NRG1: variants seen among roughly 807,000 people sequenced by gnomAD.
NRG1 encodes the protein pro-neuregulin-1, membrane-bound isoform.
A neutral mutation model predicts 63.8 loss-of-function variants in NRG1; 18 were observed. The observed-to-expected ratio is 0.28, with a 90% confidence interval of 0.19 to 0.42. The LOEUF (loss-of-function observed/expected upper bound fraction) is 0.42, where lower values mean the gene tolerates loss of function less well. Ranked by LOEUF, NRG1 falls within the 10% of genes least tolerant of loss-of-function variation. The pLI, the probability that NRG1 is intolerant of heterozygous loss-of-function variation, is 1.00. For missense variants in NRG1, 762 were observed against 814.7 expected (o/e 0.94, Z 0.79); for synonymous variants, 302 against 301.3 (o/e 1.00, Z -0.02).
At chr8:31,931,107 G>A (rs987596432) in intron 1 of NRG1, among the ~76,000 whole-genome samples, 2 of 152,092 alleles carry the variant, frequency 1.3e-5, no homozygotes, top group African/African-American at 4.8e-5. Context: ...CCTGGAGAAT[G>A]GTGAAAAACA....
intron 1 of NRG1, among the ~76,000 whole-genome samples, chr8:32,233,582 T>TTC: frequency 1.4e-5 from 2 of 144,408 alleles, no homozygotes; most frequent in South Asian, 2.2e-4. Context: ...TTTTTTTCTT[T>TTC]TGAAACGGTG....
chr8:32,119,150 T>G (rs1019824069), intron 1 of NRG1, among the ~76,000 whole-genome samples: 1 of 152,090 alleles, frequency 6.6e-6, no homozygotes, highest in African/African-American at 2.4e-5. Context: ...GTTCTATTAT[T>G]TAATAGGTAG....
intron 1 of NRG1, among the ~76,000 whole-genome samples, chr8:32,346,157 A>G (rs1804866392): frequency 6.8e-6 from 1 of 147,078 alleles, no homozygotes; most frequent in Non-Finnish European, 1.5e-5. Flanking sequence ...AATTATATAT[A>G]TAATTATATA....
At chr8:31,758,553 A>G (rs1360111684) in intron 1 of NRG1, among the ~76,000 whole-genome samples, 2 of 152,156 alleles carry the variant, frequency 1.3e-5, no homozygotes, top group Non-Finnish European at 2.9e-5. Flanking sequence ...GGATGAGTTC[A>G]TGTCCTTTTC....
chr8:32,711,342 T>C (rs1243881985), intron 5 of NRG1, among the ~76,000 whole-genome samples: 1 of 152,062 alleles, frequency 6.6e-6, no homozygotes, highest in Non-Finnish European at 1.5e-5. Flanking sequence ...TGAATGTCAG[T>C]TTATCTTGTC....
chr8:31,898,939 T>C (rs1356214977), intron 1 of NRG1, among the ~76,000 whole-genome samples: 4 of 152,182 alleles, frequency 2.6e-5, no homozygotes, highest in African/African-American at 9.7e-5. Flanking sequence ...CTTCACTCTC[T>C]GCAGATCATT....
intron 1 of NRG1, among the ~76,000 whole-genome samples, chr8:32,199,375 G>T (rs1362642178): frequency 6.6e-6 from 1 of 152,166 alleles, no homozygotes; most frequent in African/African-American, 2.4e-5. Context: ...GGGCTGCAAA[G>T]GTGTAGCCCT....
chr8:31,834,278 T>A (rs1825453551), intron 1 of NRG1, among the ~76,000 whole-genome samples: 1 of 107,672 alleles, frequency 9.3e-6, no homozygotes, highest in African/African-American at 3.2e-5. Flanking sequence ...AAAAAGTAGA[T>A]CTCCCTTCAT....
chr8:32,125,959 T>C (rs756187681), intron 1 of NRG1, among the ~76,000 whole-genome samples: 1 of 151,964 alleles, frequency 6.6e-6, no homozygotes, highest in Non-Finnish European at 1.5e-5. Context: ...GTTGGGAAGA[T>C]GTGATCCCTC....
In NRG1 at chr8:32,070,554, T is replaced by A. The variant is rs554318306; in HGVS notation, c.37+431123T>A. On this transcript the variant is annotated intron_variant, in intron 1 of 10. Coordinates refer to the NRG1 transcript ENST00000519301. ...CATGATTATTTATCCAGTGACTCAG[T>A]GCAGATTTTGATTTATTTTCCTTTT... Among the ~76,000 whole-genome samples, 42 of 152,314 alleles carry A rather than the reference T, an allele frequency of 2.8e-4. 1 individual carries two copies. In the South Asian group the frequency reaches 8.7e-3, roughly 32 times the overall value.
chr8:31,873,873 G>A (rs1829699000), intron 1 of NRG1, among the ~76,000 whole-genome samples: 1 of 152,122 alleles, frequency 6.6e-6, no homozygotes, highest in African/African-American at 2.4e-5. Flanking sequence ...TGTTAAAATG[G>A]TATTTCCATT....
intron 1 of NRG1, among the ~76,000 whole-genome samples, chr8:32,195,089 G>A (rs891339321): frequency 6.6e-6 from 1 of 152,054 alleles, no homozygotes. Flanking sequence ...CAGACTTGGG[G>A]AGGTTACTCC....
At chr8:32,354,797 T>C (rs935018787) in intron 1 of NRG1, among the ~76,000 whole-genome samples, 2 of 146,880 alleles carry the variant, frequency 1.4e-5, no homozygotes, top group Non-Finnish European at 1.5e-5. Context: ...AAGCTGCTTT[T>C]TTTAAAAAAA....
At chr8:32,728,181 T>A in intron 6 of NRG1, 103 bp downstream of exon 6, 7 of 1,553,052 alleles carry the variant, frequency 4.5e-6, no homozygotes, top group Non-Finnish European at 6.1e-6. Flanking sequence ...TTTTGTTGCA[T>A]CATGTTGAAT....
At chr8:31,796,582 G>A (rs973926545) in intron 1 of NRG1, among the ~76,000 whole-genome samples, 1 of 151,648 alleles carries the variant, frequency 6.6e-6, no homozygotes, top group African/African-American at 2.4e-5. Flanking sequence ...ACAGGCTCCC[G>A]CCACCACACC....
At position 32,596,440 on chromosome 8, in the gene NRG1, C is replaced by T. The variant is rs540822821; in HGVS notation, c.278+435C>T. On this transcript the variant is annotated intron_variant, in intron 2 of 11. Transcript: ENST00000356819. The stretch of plus-strand genomic sequence containing the variant: ...CCAACATGGTGAAACCCTGTCTCTA[C>T]TAAAAACACAAAAAGTAGCTGGGAG... Among the ~76,000 whole-genome samples, 6 of 151,962 alleles carry T rather than the reference C, an allele frequency of 3.9e-5. No homozygotes were observed. In the South Asian group the frequency reaches 1.3e-3, roughly 32 times the overall value.
intron 1 of NRG1, among the ~76,000 whole-genome samples, chr8:31,953,936 A>G (rs1200177586): frequency 6.6e-6 from 1 of 152,206 alleles, no homozygotes; most frequent in Non-Finnish European, 1.5e-5. Flanking sequence ...GGGGCAGGCT[A>G]CTAAACCTTT....
At chr8:32,010,163 A>G (rs1814515391) in intron 1 of NRG1, among the ~76,000 whole-genome samples, 1 of 152,020 alleles carries the variant, frequency 6.6e-6, no homozygotes, top group African/African-American at 2.4e-5. Flanking sequence ...TCATACCCCA[A>G]ATTAGGTGGG....
chr8:32,438,472 A>C (rs762016738), intron 1 of NRG1, among the ~76,000 whole-genome samples: 1 of 152,144 alleles, frequency 6.6e-6, no homozygotes, highest in Non-Finnish European at 1.5e-5. Context: ...GGAGATTATA[A>C]ATAAAGCTGC....
Sources: gnomAD v4.1 joint callset for allele counts (sites outside exome capture counted in the v4.1 genomes callset) on GRCh38, gnomAD v4.1.1 for gene constraint, MANE v1.5 for transcripts, NCBI Gene and HGNC (gene_info 2026-07-23, HGNC 2026-07-21) for gene names.